The following RIPK1 variants were observed in gnomAD, a reference collection of about 807,000 sequenced individuals.
The protein encoded by RIPK1 is receptor-interacting serine/threonine-protein kinase 1.
RIPK1 carries 27 observed loss-of-function variants against 62.4 expected under a neutral mutation model. The ratio of observed to expected loss-of-function variants is 0.43; its 90% CI spans 0.32 to 0.60. The LOEUF is 0.60. RIPK1 is among the 20% of genes least tolerant of loss of function. The pLI, the probability that RIPK1 is intolerant of heterozygous loss-of-function variation, is 0.07. For synonymous variants in RIPK1, 287 were observed against 303.2 expected (o/e 0.95, Z 0.55); for missense variants, 735 against 831.0 (o/e 0.88, Z 1.42).
intron 6 of RIPK1, chr6:3,088,869 A>C (rs1484804783): frequency 1.3e-5 from 2 of 152,226 alleles, no homozygotes; most frequent in Non-Finnish European, 2.9e-5. Context: ...GGCTAGAAAG[A>C]GCAGGCTTTA....
At chr6:3,067,143 T>C (rs1758417578), upstream of RIPK1, among the ~76,000 whole-genome samples, 1 of 150,510 alleles carries the variant, frequency 6.6e-6, no homozygotes, top group East Asian at 2.0e-4. Flanking sequence ...AGCTTATCTG[T>C]CCACCCATTA....
chr6:3,066,926 G>T (rs1758403835), upstream of RIPK1, among the ~76,000 whole-genome samples: 2 of 151,908 alleles, frequency 1.3e-5, no homozygotes, highest in South Asian at 2.1e-4. Context: ...GGCAGCCGCT[G>T]ATCTTTTTTA....
Position 3,076,743 on chromosome 6 carries a change from TTCTC to T in RIPK1, c.-60-17_-60-14del, listed in dbSNP as rs1296213324. 2.3e-6 allele frequency: 3 copies of T among 1,296,448 alleles called. No individual in the cohort carries two copies. Among genetic ancestry groups the T allele is most frequent in the Non-Finnish European group, 3.2e-6 (3 of 950,304 alleles). The allele number at this position is 1,296,448 out of a possible 1,614,324, so 80.3% of individuals were successfully genotyped here. On this transcript the variant is annotated splice_polypyrimidine_tract_variant and intron_variant, in intron 1 of 10. Transcript: ENST00000259808. ...ATATATATAGTCTTGCCCTGAGGTT[TTCTC>T]TCTGTTTTCTTTACAGGGTACAGCT...
At chr6:3,073,730 C>A (rs551958172) in intron 1 of RIPK1, among the ~76,000 whole-genome samples, 1 of 152,302 alleles carries the variant, frequency 6.6e-6, no homozygotes, top group East Asian at 1.9e-4. Context: ...GCTGGTTACC[C>A]GGGTCACCTG....
At chr6:3,068,694 C>T in intron 1 of RIPK1, 33 bp downstream of exon 1, 2 of 983,154 alleles carry the variant, frequency 2.0e-6, no homozygotes, top group Non-Finnish European at 2.4e-6. Context: ...GGGAACATTC[C>T]GGAGGCCGCC....
At chr6:3,066,922 C>T (rs1190090691), upstream of RIPK1, among the ~76,000 whole-genome samples, 2 of 152,118 alleles carry the variant, frequency 1.3e-5, no homozygotes, top group Non-Finnish European at 2.9e-5. Context: ...CCCTGGCAGC[C>T]GCTGATCTTT....
chr6:3,098,177 CAATA>C (rs146915536), intron 7 of RIPK1, among the ~76,000 whole-genome samples: 22 of 151,982 alleles, frequency 1.4e-4, no homozygotes, highest in African/African-American at 2.7e-4. Flanking sequence ...ACCCCATCTC[CAATA>C]AATAAATAAA....
intron 9 of RIPK1, among the ~76,000 whole-genome samples, chr6:3,107,386 C>T (rs1288989782): frequency 7.0e-6 from 1 of 143,014 alleles, no homozygotes; most frequent in Non-Finnish European, 1.5e-5. Context: ...GAAACCCCGT[C>T]TCTACTAAAA....
At chr6:3,094,241 C>G (rs1760163821) in intron 7 of RIPK1, among the ~76,000 whole-genome samples, 1 of 152,146 alleles carries the variant, frequency 6.6e-6, no homozygotes, top group African/African-American at 2.4e-5. Flanking sequence ...AGTGCACCTA[C>G]CTTTAAAGGC....
intron 4 of RIPK1, among the ~76,000 whole-genome samples, chr6:3,082,462 G>C (rs1250039499): frequency 6.6e-6 from 1 of 152,194 alleles, no homozygotes; most frequent in Non-Finnish European, 1.5e-5. Flanking sequence ...TGCCAGCACT[G>C]TTCTTGTTCT....
At chr6:3,081,637 G>T (rs948071315) in intron 4 of RIPK1, among the ~76,000 whole-genome samples, 4 of 152,056 alleles carry the variant, frequency 2.6e-5, no homozygotes, top group African/African-American at 7.2e-5. Flanking sequence ...GAGGTGGGCG[G>T]ATCACCTGAG....
At chr6:3,065,633 C>G (rs1454465405), upstream of RIPK1, among the ~76,000 whole-genome samples, 5 of 151,850 alleles carry the variant, frequency 3.3e-5, no homozygotes, top group Non-Finnish European at 7.4e-5. Context: ...GAACTGCAGC[C>G]TGGGGGTGGG....
intron 7 of RIPK1, among the ~76,000 whole-genome samples, chr6:3,094,841 C>T (rs540008008): frequency 6.6e-6 from 1 of 151,848 alleles, no homozygotes; most frequent in South Asian, 2.1e-4. Flanking sequence ...GTGAGAGGAT[C>T]GTTTGAGGCC....
intron 1 of RIPK1, among the ~76,000 whole-genome samples, chr6:3,069,070 G>C (rs1426124788): frequency 1.3e-5 from 2 of 152,362 alleles, no homozygotes; most frequent in Admixed American, 6.5e-5. Context: ...AGAGGTCGGG[G>C]CGCTGGACTG....
chr6:3,073,202 CAT>C (rs1362226030), intron 1 of RIPK1, among the ~76,000 whole-genome samples: 3 of 143,606 alleles, frequency 2.1e-5, no homozygotes, highest in African/African-American at 5.0e-5. Flanking sequence ...TGCATACACA[CAT>C]ACAAATATGT....
chr6:3,072,294 G>C lies in RIPK1; in HGVS notation c.-61+3633G>C, dbSNP rs1246833148. ...GAAAACATAGTAAAAGTGTAAAGAA[G>C]AAAGTAAAAATCAACCTATCATCAA... On this transcript the variant is annotated intron_variant, in intron 1 of 10. Coordinates refer to ENST00000259808, the MANE Select transcript of RIPK1 (RefSeq NM_001354930.2). This position sits in a 1 kb window ranked among gnomAD's most constrained non-coding sequence, Gnocchi z 5.6. 2.0e-5 allele frequency among the ~76,000 whole-genome samples: 3 copies of C among 152,090 alleles called. No homozygotes were observed. Among genetic ancestry groups the C allele is most frequent in the Non-Finnish European group, 4.4e-5 (3 of 68,000 alleles).
At position 3,100,516 on chromosome 6, in the gene RIPK1, A is replaced by G. The variant is rs115716364; in HGVS notation, c.916-3709A>G. Among the ~76,000 whole-genome samples, 802 of 152,314 alleles carry G rather than the reference A, an allele frequency of 5.3e-3. 7 individuals carry two copies. Among genetic ancestry groups the G allele is most frequent in the African/African-American group, 0.019 (785 of 41,576 alleles). ...CACTCTGGATAAGGCTTACCTCTAG[A>G]GAATGGAAGAGTAGGTGCTGAAGGA... On this transcript the variant is annotated intron_variant, in intron 7 of 10. Transcript: ENST00000259808.
intron 7 of RIPK1, among the ~76,000 whole-genome samples, chr6:3,101,771 T>A (rs1332822701): frequency 6.6e-6 from 1 of 152,194 alleles, no homozygotes; most frequent in Non-Finnish European, 1.5e-5. Flanking sequence ...AGGAAAAAGT[T>A]TTTTACTGTG....
chr6:3,073,076 C>T (rs1242869312), intron 1 of RIPK1, among the ~76,000 whole-genome samples: 4 of 151,924 alleles, frequency 2.6e-5, no homozygotes, highest in Non-Finnish European at 5.9e-5. Context: ...ATAAAGCAGG[C>T]AACAAACGTG....
Sources: gnomAD v4.1 joint callset for allele counts (sites outside exome capture counted in the v4.1 genomes callset) on GRCh38, gnomAD v4.1.1 for gene constraint, Gnocchi (gnomAD v3.1) non-coding constraint, MANE v1.5 for transcripts, NCBI Gene and HGNC (gene_info 2026-07-23, HGNC 2026-07-21) for gene names.